PPP1R13L: variants seen among roughly 807,000 people sequenced by gnomAD.
PPP1R13L encodes the protein relA-associated inhibitor.
A neutral mutation model predicts 80.9 loss-of-function variants in PPP1R13L; 50 were observed. The ratio of observed to expected loss-of-function variants is 0.62; its 90% CI spans 0.49 to 0.78. The LOEUF is 0.78. PPP1R13L is among the 30% of genes least tolerant of loss of function. PPP1R13L has a pLI of 0.00. For synonymous variants in PPP1R13L, 602 were observed against 534.3 expected, an observed-to-expected ratio of 1.13 and a Z score of -1.75; for missense variants, 1,200 against 1,205.9, an observed-to-expected ratio of 1.00 and a Z score of 0.07.
Position 45,396,430 on chromosome 19 carries a change from A to G in PPP1R13L, c.719T>C (p.Leu240Pro). ...TTTCGGAGGCCGCCGGCGCAGCGTC[A>G]GGTCGTCTGGGGAGAAGTTTCCAGG... ...FAPPLRAQDD[L>P]TLRRRPPKAW... The change falls in exon 5 of 13, where the codon CTG becomes CCG. Residue 240 changes from leucine (L) to proline (P), a missense_variant. This residue lies in a region of PPP1R13L where 764 missense variants were observed against 714.5 expected (regional missense o/e 1.07). Transcript: ENST00000360957. This position sits in a 1 kb window ranked among gnomAD's most constrained non-coding sequence, Gnocchi z 5.3. The G allele has an allele frequency of 1.2e-6, 2 of 1,613,984 alleles. No individual in the cohort carries two copies. Among genetic ancestry groups the G allele is most frequent in the South Asian group, 1.1e-5 (1 of 91,082 alleles).
At position 45,380,038 on chromosome 19, in the gene PPP1R13L, C is replaced by G; in HGVS notation, c.*152G>C. The G allele has an allele frequency of 1.2e-6, 1 of 858,366 alleles. No homozygotes were observed. The highest frequency in any genetic ancestry group is 1.8e-6 in the Non-Finnish European group (1 of 543,968). The allele number at this position is 858,366 out of a possible 1,614,324, so 53.2% of individuals were successfully genotyped here. On this transcript the variant is annotated 3_prime_UTR_variant, in exon 13 of 13. Coordinates refer to ENST00000360957, the MANE Select transcript of PPP1R13L (RefSeq NM_006663.4). ...TTAAGGCTGGGGCCCTCCTTCTTCCCTGGACTTCCAGGAGAACAGAGAACC... is the reference window on the plus strand; with the variant it reads ...TTAAGGCTGGGGCCCTCCTTCTTCCGTGGACTTCCAGGAGAACAGAGAACC...
At position 45,395,493 on chromosome 19, in the gene PPP1R13L, G is replaced by C. The variant is rs765844329; in HGVS notation, c.1297C>G (p.Gln433Glu). 5 of 1,484,950 alleles carry C rather than the reference G, an allele frequency of 3.4e-6. No homozygotes were observed. In the South Asian group the frequency reaches 3.7e-5, roughly 11 times the overall value. 92.0% of individuals were successfully genotyped at this position (1,484,950 alleles called of 1,614,324 possible). A position where few individuals can be genotyped will look rare whatever the true frequency, so the allele number is the denominator to read the frequency against. The change falls in exon 7 of 13, where the codon CAA becomes GAA. Residue 433 changes from glutamine to glutamate, a missense_variant. Gln to Glu is a conservative substitution (Grantham distance 29, BLOSUM62 2). Transcript: ENST00000360957. ...TGCTGGGGGGCTGGGGTAGGGGTTT[G>C]GGGTTGGGTCTGGGGCTGTGGGGGC... The part of the protein sequence containing the change: ...QLPPQPQTQP[Q>E]TPTPAPQHPQ...
chr19:45,383,293 CTTT>C (rs1164667426), intron 11 of PPP1R13L, among the ~76,000 whole-genome samples: 18 of 62,840 alleles, frequency 2.9e-4, no homozygotes, highest in South Asian at 1.3e-3. Flanking sequence ...CGCGCCCGGC[CTTT>C]TTTTTTTTTT....
chr19:45,384,650 G>A (rs972447292), intron 11 of PPP1R13L, among the ~76,000 whole-genome samples: 100 of 152,092 alleles, frequency 6.6e-4, no homozygotes, highest in African/African-American at 2.3e-3. Flanking sequence ...TCAAGAGTTC[G>A]GGACCAGCCT....
intron 8 of PPP1R13L, among the ~76,000 whole-genome samples, chr19:45,390,082 C>A (rs547035002): frequency 1.3e-5 from 2 of 150,372 alleles, no homozygotes; most frequent in African/African-American, 2.5e-5. Flanking sequence ...TGAACCACCA[C>A]GCCCGGCCTA....
At position 45,401,312 on chromosome 19, in the gene PPP1R13L, G is replaced by T. The variant is rs868026231; in HGVS notation, c.-21-2973C>A. 2.0e-5 allele frequency among the ~76,000 whole-genome samples: 3 copies of T among 147,088 alleles called. No individual in the cohort carries two copies. In the East Asian group the frequency reaches 6.0e-4, roughly 29 times the overall value. ...GGAGCTTTCAGTGAGCCGAGATCGC[G>T]CCACTGCACTCCAGCCTCGGAGACA... On this transcript the variant is annotated intron_variant, in intron 1 of 12. Transcript: ENST00000360957.
chr19:45,389,706 A>C (rs1483168528), intron 8 of PPP1R13L, among the ~76,000 whole-genome samples: 3 of 152,208 alleles, frequency 2.0e-5, no homozygotes, highest in Non-Finnish European at 2.9e-5. Context: ...GCCACTTGGG[A>C]GACTGACGCA....
chr19:45,404,185 G>T (rs1486757133), intron 1 of PPP1R13L, among the ~76,000 whole-genome samples: 1 of 152,158 alleles, frequency 6.6e-6, no homozygotes, highest in African/African-American at 2.4e-5. Flanking sequence ...CCGTGTAATG[G>T]TTAAATGCCC....
rs149125145 is a variant in PPP1R13L, at chr19:45,392,186, C to T, written c.1509G>A (p.Ser503=). 7.9e-5 allele frequency: 128 copies of T among 1,610,494 alleles called. No individual in the cohort carries two copies. The highest frequency in any genetic ancestry group is 1.6e-4 in the East Asian group (7 of 44,838). The change falls in exon 8 of 13, where the codon TCG becomes TCA. Residue 503 remains serine (S), a synonymous_variant. Transcript: ENST00000360957. The part of the protein sequence containing the change: ...LQPALPPEAQ[S]VPELEEVARV... ...GTGCCACCTCCTCCAGCTCGGGCAC[C>T]GACTGTGCCTCCGGTGGCAGTGCTG... is the stretch of plus-strand genomic sequence containing the variant.
rs141349857 is a variant in PPP1R13L at position 45,392,086 on chromosome 19, G to C, written c.1609C>G (p.Pro537Ala). 3.7e-5 allele frequency: 57 copies of C among 1,539,204 alleles called. No homozygotes were observed. The highest frequency in any genetic ancestry group is 4.4e-5 in the Non-Finnish European group (50 of 1,143,626). ...MEQAPAVALP[P>A]THKKQYQQII... ...TGCTGGTACTGTTTCTTGTGGGTAG[G>C]GGGCAGGGCCACAGCAGGGGCCTGC... Residue 537 changes from proline (P) to alanine (A), a missense_variant, in exon 8 of 13, where the codon CCT (proline) becomes GCT (alanine). Physicochemically the swap from Pro to Ala is conservative, Grantham distance 27 (BLOSUM62 -1). This residue lies in a region of PPP1R13L where 53 missense variants were observed against 96.5 expected (regional missense o/e 0.55). Coordinates refer to ENST00000360957, the MANE Select transcript of PPP1R13L (RefSeq NM_006663.4).
At position 45,396,074 on chromosome 19, in the gene PPP1R13L, C is replaced by G. The variant is rs1319848509; in HGVS notation, c.903+94G>C. ...TGGGAACGGGCGCCGAGACCCAGAT[C>G]GCAGCCCCGAGGGGGAGACTGGCCT... On this transcript the variant is annotated intron_variant, in intron 6 of 12. Transcript: ENST00000360957. This position sits in a 1 kb window ranked among gnomAD's most constrained non-coding sequence, Gnocchi z 5.3. 2 of 1,425,028 alleles carry G rather than the reference C, an allele frequency of 1.4e-6. No individual in the cohort carries two copies. Among genetic ancestry groups the G allele is most frequent in the East Asian group, 2.5e-5 (1 of 40,072 alleles). The allele number at this position is 1,425,028 out of a possible 1,614,324, so 88.3% of individuals were successfully genotyped here.
Position 45,396,694 on chromosome 19 carries a change from G to T in PPP1R13L, c.563C>A (p.Pro188His), listed in dbSNP as rs746006072. 7.1e-7 allele frequency: 1 copy of T among 1,414,438 alleles called. No homozygotes were observed. The highest frequency in any genetic ancestry group is 9.1e-7 in the Non-Finnish European group (1 of 1,094,330). The allele number at this position is 1,414,438 out of a possible 1,614,324, so 87.6% of individuals were successfully genotyped here. Residue 188 changes from proline (P) to histidine (H), a missense_variant, in exon 4 of 13, where the codon CCC becomes CAC. Physicochemically the swap from Pro to His is moderately conservative, Grantham distance 77. Coordinates refer to ENST00000360957, the MANE Select transcript of PPP1R13L (RefSeq NM_006663.4). This position sits in a 1 kb window ranked among gnomAD's most constrained non-coding sequence, Gnocchi z 5.3. ...GAAGGCCTGGGGCCCCTCCGCCAGGGGGCTGCCGCGGGGGGAGCCTGCGCG... is the reference window on the plus strand; with the variant it reads ...GAAGGCCTGGGGCCCCTCCGCCAGGTGGCTGCCGCGGGGGGAGCCTGCGCG... ...LGRAGSPRGS[P>H]LAEGPQAFFP...
chr19:45,405,133 T>C, upstream of PPP1R13L: 1 of 828,370 alleles, frequency 1.2e-6, no homozygotes, highest in Non-Finnish European at 1.5e-6. Flanking sequence ...CGGGTCCCGG[T>C]GGGGAGGGGG....
Position 45,396,345 on chromosome 19 carries a change from G to A in PPP1R13L, c.804C>T (p.Ser268=). The A allele has an allele frequency of 6.2e-7, 1 of 1,614,108 alleles. No homozygotes were observed. The highest frequency in any genetic ancestry group is 8.5e-7 in the Non-Finnish European group (1 of 1,180,016). Residue 268 remains serine, a synonymous_variant, in exon 5 of 13, where the codon AGC becomes AGT. Coordinates refer to ENST00000360957, the MANE Select transcript of PPP1R13L (RefSeq NM_006663.4). This position sits in a 1 kb window ranked among gnomAD's most constrained non-coding sequence, Gnocchi z 5.3. ...CGGGCCTCCACCACTCACGTTCATA[G>A]CTCGCTGTCTGCGAAGGCTTCTTCT... ...AYEKKPSQTA[S]YERLDVFARP...
In PPP1R13L at chr19:45,385,897, CG is replaced by C. The variant is rs1398855441; in HGVS notation, c.2007del (p.Cys669TrpfsTer89). On this transcript the variant is annotated frameshift_variant, in exon 10 of 13. Transcript: ENST00000360957. LOFTEE classifies it high-confidence loss of function. ...EGITALHNAICGANYSIVDFL... is the reference protein window; with the variant it reads ...EGITALHNAIXGANYSIVDFL... ...AAATCCACGATAGAGTAGTTGGCGC[CG>C]CAGATGGCGTTGTGCAAGGCAGTGA... The C allele has an allele frequency of 6.2e-7, 1 of 1,611,308 alleles. No individual in the cohort carries two copies. The highest frequency in any genetic ancestry group is 8.5e-7 in the Non-Finnish European group (1 of 1,178,934).
chr19:45,400,635 T>A (rs1269150350), intron 1 of PPP1R13L, among the ~76,000 whole-genome samples: 1 of 150,422 alleles, frequency 6.6e-6, no homozygotes, highest in Non-Finnish European at 1.5e-5. Flanking sequence ...GGTCTCGCTC[T>A]GTAACCCAGG....
Position 45,392,305 on chromosome 19 carries a change from G to A in PPP1R13L, c.1390C>T (p.Pro464Ser). ...PKPPTELEPE[P>S]EIEGLLTPVL... ...GGTGTCAGCAGCCCCTCTATCTCCG[G>A]CTCAGGCTCCAGCTCGGTGGGGGGT... The change falls in exon 8 of 13, where the codon CCG (proline) becomes TCG (serine). Residue 464 changes from proline (P) to serine (S), a missense_variant. Pro to Ser is a moderately conservative substitution (Grantham distance 74, BLOSUM62 -1). Around this residue, in one of 5 missense-constraint regions of PPP1R13L, gnomAD observed 764 missense variants for 714.5 expected, o/e 1.07. Transcript: ENST00000360957. The A allele has an allele frequency of 6.2e-7, 1 of 1,613,564 alleles. No homozygotes were observed. The highest frequency in any genetic ancestry group is 8.5e-7 in the Non-Finnish European group (1 of 1,180,020).
At chr19:45,394,461 T>C (rs1018847157) in intron 7 of PPP1R13L, among the ~76,000 whole-genome samples, 1 of 151,860 alleles carries the variant, frequency 6.6e-6, no homozygotes, top group African/African-American at 2.4e-5. Context: ...TAGCTATTGA[T>C]AGCTTACTAT....
At position 45,382,616 on chromosome 19, in the gene PPP1R13L, C is replaced by T; in HGVS notation, c.2359G>A (p.Val787Met). The change falls in exon 12 of 13, where the codon GTG becomes ATG. Residue 787 changes from valine to methionine, a missense_variant. Physicochemically the swap from Val to Met is conservative, Grantham distance 21. Transcript: ENST00000360957. ...LSFREGESVTVLRRDGPEETD... is the reference protein window; with the variant it reads ...LSFREGESVTMLRRDGPEETD... ...TCCTCCGGCCCGTCCCTCCGCAGCA[C>T]GGTGACCGACTCGCCCTCGCGGAAG... 6.2e-7 allele frequency: 1 copy of T among 1,613,768 alleles called. No homozygotes were observed. Among genetic ancestry groups the T allele is most frequent in the Non-Finnish European group, 8.5e-7 (1 of 1,180,024 alleles).
Sources: allele counts gnomAD v4.1 joint callset (sites outside exome capture counted in the v4.1 genomes callset), GRCh38; gene constraint gnomAD v4.1.1; regional missense constraint gnomAD v4.1.1; non-coding constraint Gnocchi (gnomAD v3.1); transcripts MANE v1.5; gene names NCBI Gene and HGNC (gene_info 2026-07-23, HGNC 2026-07-21).